Variants in DGKB observed in about 807,000 individuals in gnomAD.
The protein encoded by DGKB is 90 kDa diacylglycerol kinase.
DGKB carries 67 observed loss-of-function variants against 114.3 expected under a neutral mutation model. The ratio of observed to expected loss-of-function variants is 0.59; its 90% CI spans 0.48 to 0.72. DGKB has a LOEUF of 0.72. DGKB is among the 30% of genes least tolerant of loss of function. The pLI is 0.00. For synonymous variants in DGKB, 398 were observed against 323.1 expected (o/e 1.23, Z -2.49); for missense variants, 907 against 975.2 (o/e 0.93, Z 0.93).
At chr7:14,199,582 A>G (rs961248263) in intron 23 of DGKB, among the ~76,000 whole-genome samples, 4 of 152,154 alleles carry the variant, frequency 2.6e-5, no homozygotes, top group East Asian at 3.9e-4. Context: ...TCACATTTCC[A>G]CAAGGAATGG....
intron 2 of DGKB, among the ~76,000 whole-genome samples, chr7:14,761,984 AG>A (rs1252577547): frequency 6.6e-6 from 1 of 152,174 alleles, no homozygotes; most frequent in Non-Finnish European, 1.5e-5. Context: ...CTAATTTCAG[AG>A]GTTCCTATGC....
intron 23 of DGKB, among the ~76,000 whole-genome samples, chr7:14,179,305 T>A (rs886711425): frequency 1.3e-5 from 2 of 152,208 alleles, no homozygotes; most frequent in African/African-American, 4.8e-5. Flanking sequence ...GACCCTTGAT[T>A]TGGAGGCCAA....
At chr7:14,664,341 C>G (rs1483486705) in intron 13 of DGKB, among the ~76,000 whole-genome samples, 1 of 152,004 alleles carries the variant, frequency 6.6e-6, no homozygotes, top group Non-Finnish European at 1.5e-5. Flanking sequence ...ATTCACATTG[C>G]AGTCTCCTAG....
At chr7:14,316,347 TG>T (rs1461013745) in intron 23 of DGKB, among the ~76,000 whole-genome samples, 3 of 135,370 alleles carry the variant, frequency 2.2e-5, no homozygotes, top group African/African-American at 5.8e-5. Context: ...ATCCAGGAGC[TG>T]GTTTTTTGAA....
chr7:14,824,443 G>A (rs372323254), intron 2 of DGKB, among the ~76,000 whole-genome samples: 4 of 152,258 alleles, frequency 2.6e-5, no homozygotes, highest in South Asian at 4.1e-4. Flanking sequence ...TAAGTGAGAA[G>A]ACAGACTAAG....
intron 19 of DGKB, among the ~76,000 whole-genome samples, chr7:14,576,627 G>T (rs1235786136): frequency 6.6e-6 from 1 of 151,950 alleles, no homozygotes; most frequent in Non-Finnish European, 1.5e-5. Context: ...CTTTCAAAAA[G>T]GTTGAATTTT....
intron 4 of DGKB, among the ~76,000 whole-genome samples, chr7:14,743,847 T>C (rs749596628): frequency 6.6e-6 from 1 of 152,152 alleles, no homozygotes; most frequent in Non-Finnish European, 1.5e-5. Flanking sequence ...TTTGATCCCC[T>C]TCAAAAGATG....
intron 21 of DGKB, among the ~76,000 whole-genome samples, chr7:14,461,432 A>C: frequency 6.6e-6 from 1 of 152,264 alleles, no homozygotes; most frequent in East Asian, 1.9e-4. Context: ...ATCAGCACTG[A>C]TCTCACAGAA....
intron 15 of DGKB, among the ~76,000 whole-genome samples, chr7:14,614,525 A>T (rs914366294): frequency 4.6e-5 from 7 of 152,078 alleles, no homozygotes; most frequent in Middle Eastern, 3.2e-3. Flanking sequence ...TCCCCTAGAA[A>T]GTAGTCTTAA....
chr7:14,301,737 A>C (rs1048321800), intron 23 of DGKB, among the ~76,000 whole-genome samples: 1 of 152,134 alleles, frequency 6.6e-6, no homozygotes, highest in Non-Finnish European at 1.5e-5. Flanking sequence ...AAGACTAATA[A>C]GAGAGTAAAA....
chr7:14,944,741 C>G (rs1785774027), intron 1 of DGKB, among the ~76,000 whole-genome samples: 2 of 151,512 alleles, frequency 1.3e-5, no homozygotes, highest in East Asian at 3.9e-4. Context: ...GCTAACTAGC[C>G]TACAATGTAC....
At chr7:14,154,407 C>G (rs1230562706) in intron 25 of DGKB, among the ~76,000 whole-genome samples, 2 of 151,736 alleles carry the variant, frequency 1.3e-5, no homozygotes, top group Non-Finnish European at 2.9e-5. Flanking sequence ...GCTGCCTAGG[C>G]CCACCATTTC....
intron 23 of DGKB, among the ~76,000 whole-genome samples, chr7:14,183,610 C>T (rs1782959101): frequency 1.3e-5 from 2 of 152,214 alleles, no homozygotes; most frequent in African/African-American, 4.8e-5. Flanking sequence ...AGACTCTCAA[C>T]AGTCCTTTGA....
At chr7:14,850,472 T>C (rs1322712933) in intron 1 of DGKB, among the ~76,000 whole-genome samples, 1 of 152,096 alleles carries the variant, frequency 6.6e-6, no homozygotes, top group Non-Finnish European at 1.5e-5. Context: ...GAGGGAGAGA[T>C]AAGTCCCAGA....
chr7:14,625,952 C>T (rs1808496164), intron 14 of DGKB, among the ~76,000 whole-genome samples: 1 of 152,014 alleles, frequency 6.6e-6, no homozygotes, highest in Non-Finnish European at 1.5e-5. Context: ...CACAACAGAT[C>T]TTAACTGGGG....
chr7:14,941,522 C>CA, intron 1 of DGKB, among the ~76,000 whole-genome samples: 1 of 152,088 alleles, frequency 6.6e-6, no homozygotes, highest in South Asian at 2.1e-4. Flanking sequence ...GTGTTCATTC[C>CA]AAAAATTGTA....
intron 2 of DGKB, among the ~76,000 whole-genome samples, chr7:14,832,339 C>G (rs1846535477): frequency 6.6e-6 from 1 of 151,998 alleles, no homozygotes; most frequent in Non-Finnish European, 1.5e-5. Flanking sequence ...TTTAAATCTT[C>G]CACTTGTCCC....
intron 13 of DGKB, among the ~76,000 whole-genome samples, chr7:14,663,239 A>ATCATTC (rs1817468875): frequency 6.6e-6 from 1 of 152,094 alleles, no homozygotes; most frequent in African/African-American, 2.4e-5. Context: ...ACGTGCTTGT[A>ATCATTC]TCATTCTCTT....
chr7:14,437,445 G>A (rs1829442269), intron 21 of DGKB, among the ~76,000 whole-genome samples: 1 of 152,038 alleles, frequency 6.6e-6, no homozygotes, highest in South Asian at 2.1e-4. Context: ...AACACAAATT[G>A]AGGAGCAGTA....
Sources: gnomAD v4.1 joint callset for allele counts (sites outside exome capture counted in the v4.1 genomes callset) on GRCh38, gnomAD v4.1.1 for gene constraint, MANE v1.5 for transcripts, NCBI Gene and HGNC (gene_info 2026-07-23, HGNC 2026-07-21) for gene names.